Variants in SPINK9 observed in about 807,000 individuals in gnomAD.
SPINK9 encodes serine protease inhibitor Kazal-type 9.
Under a neutral mutation model 10.8 loss-of-function variants are expected in SPINK9, and 3 were observed. That is an observed-to-expected ratio of 0.28 (90% CI 0.13 to 0.72). The LOEUF is 0.72. Ranked by LOEUF, SPINK9 falls within the 30% of genes least tolerant of loss-of-function variation. The pLI, the probability that SPINK9 is intolerant of heterozygous loss-of-function variation, is 0.74. For missense variants in SPINK9, 101 were observed against 103.2 expected (o/e 0.98, Z 0.09); for synonymous variants, 30 against 31.2 (o/e 0.96, Z 0.12).
At chr5:148,339,588 A>T in intron 3 of SPINK9, 79 bp from the exon 4 acceptor site, 1 of 1,233,416 alleles carries the variant, frequency 8.1e-7, no homozygotes, top group South Asian at 1.3e-5. Context: ...CATTTTTGGG[A>T]TTCATTAGTG....
At chr5:148,328,001 T>C (rs1167065457) in intron 2 of SPINK9, among the ~76,000 whole-genome samples, 2 of 151,374 alleles carry the variant, frequency 1.3e-5, no homozygotes. Context: ...TCTTTTTTGG[T>C]TCCATATGAA....
At chr5:148,326,453 C>A (rs1757060328) in intron 2 of SPINK9, among the ~76,000 whole-genome samples, 1 of 152,142 alleles carries the variant, frequency 6.6e-6, no homozygotes, top group Non-Finnish European at 1.5e-5. Context: ...ATGTTCATTG[C>A]AGCATTATTC....
intron 1 of SPINK9, among the ~76,000 whole-genome samples, chr5:148,323,403 TAAG>T (rs1165758523): frequency 1.3e-5 from 2 of 152,184 alleles, no homozygotes; most frequent in Non-Finnish European, 2.9e-5. Context: ...TGTATATTAT[TAAG>T]AATTATGATG....
At chr5:148,322,406 T>C (rs912140552) in intron 1 of SPINK9, among the ~76,000 whole-genome samples, 2 of 152,154 alleles carry the variant, frequency 1.3e-5, no homozygotes, top group Non-Finnish European at 2.9e-5. Context: ...GTCTTTACTT[T>C]AATAATTCCT....
At position 148,338,440 on chromosome 5, in the gene SPINK9, G is replaced by A. The variant is rs763539386; in HGVS notation, c.88-38G>A. 5 of 1,563,314 alleles carry A rather than the reference G, an allele frequency of 3.2e-6. No homozygotes were observed. In the Admixed American group the frequency reaches 1.0e-4, roughly 31 times the overall value. ...TCCTAAATCCTGATAATAAAGATTT[G>A]GTTGAAAGAGTTGAAGGTTTTTAAT... On this transcript the variant is annotated intron_variant, in intron 2 of 3. Transcript: ENST00000377906.
intron 3 of SPINK9, 53 bp downstream of exon 3, chr5:148,338,658 G>A: frequency 2.2e-6 from 3 of 1,369,858 alleles, no homozygotes; most frequent in Non-Finnish European, 3.0e-6. Context: ...TATATATTAA[G>A]ACAAATTAGA....
chr5:148,328,379 G>A (rs562168895), intron 2 of SPINK9, among the ~76,000 whole-genome samples: 16 of 152,054 alleles, frequency 1.1e-4, no homozygotes, highest in Middle Eastern at 3.2e-3. Flanking sequence ...CTGAAGTTGC[G>A]TATCAGCTTA....
chr5:148,339,793 C>T lies in SPINK9; in HGVS notation c.*81C>T. The T allele has an allele frequency of 8.6e-7, 1 of 1,159,848 alleles. No homozygotes were observed. Among genetic ancestry groups the T allele is most frequent in the Non-Finnish European group, 1.3e-6 (1 of 775,964 alleles). The allele number at this position is 1,159,848 out of a possible 1,614,324, so 71.8% of individuals were successfully genotyped here. On this transcript the variant is annotated 3_prime_UTR_variant, in exon 4 of 4. Transcript: ENST00000377906. ...TTCTGTTCCCATATTATCTATGCCACATTGCCTACTCATCACCATATGTAG... is the reference window on the plus strand; with the variant it reads ...TTCTGTTCCCATATTATCTATGCCATATTGCCTACTCATCACCATATGTAG...
chr5:148,323,670 C>T (rs2113408893), intron 1 of SPINK9: 11 of 529,172 alleles, frequency 2.1e-5, no homozygotes, highest in East Asian at 3.2e-5. Flanking sequence ...AAAATTTTAC[C>T]TTTTGAAGGT....
At chr5:148,338,850 G>T (rs1757252078) in intron 3 of SPINK9, among the ~76,000 whole-genome samples, 1 of 152,080 alleles carries the variant, frequency 6.6e-6, no homozygotes, top group African/African-American at 2.4e-5. Flanking sequence ...TGGTCATCTA[G>T]TTCAACTTCC....
At chr5:148,325,494 A>G (rs1301570861) in intron 2 of SPINK9, among the ~76,000 whole-genome samples, 1 of 151,988 alleles carries the variant, frequency 6.6e-6, no homozygotes, top group Non-Finnish European at 1.5e-5. Context: ...ACTGATGTTG[A>G]TTTTCATGTC....
intron 3 of SPINK9, 112 bp downstream of exon 3, chr5:148,338,717 C>A: frequency 1.3e-6 from 1 of 756,076 alleles, no homozygotes; most frequent in Non-Finnish European, 2.0e-6. Context: ...CATACTGTCT[C>A]TAACAAACAG....
At chr5:148,325,716 AAATCTT>A (rs1183493393) in intron 2 of SPINK9, among the ~76,000 whole-genome samples, 2 of 152,144 alleles carry the variant, frequency 1.3e-5, no homozygotes, top group Non-Finnish European at 2.9e-5. Flanking sequence ...TTGAGGCACA[AAATCTT>A]TCAATTTTCA....
chr5:148,335,553 C>A, upstream of SPINK9: 1 of 1,485,286 alleles, frequency 6.7e-7, no homozygotes, highest in Non-Finnish European at 9.4e-7. Context: ...TCAAAGTGAG[C>A]TGGACGGACA....
intron 2 of SPINK9, among the ~76,000 whole-genome samples, chr5:148,329,416 C>T (rs1383837371): frequency 6.6e-6 from 1 of 152,034 alleles, no homozygotes; most frequent in East Asian, 1.9e-4. Context: ...ATTAGTCTTG[C>T]TAGCCGTCTA....
intron 2 of SPINK9, among the ~76,000 whole-genome samples, chr5:148,326,641 T>C (rs1245425900): frequency 2.0e-5 from 3 of 152,118 alleles, no homozygotes; most frequent in African/African-American, 7.2e-5. Context: ...ATTAGGTATA[T>C]CTCCTAATGC....
upstream of SPINK9, among the ~76,000 whole-genome samples, chr5:148,331,648 A>G (rs1046562803): frequency 3.9e-5 from 6 of 152,230 alleles, no homozygotes; most frequent in Admixed American, 3.3e-4. Context: ...AAAAAATGAT[A>G]AGTATTTGAA....
upstream of SPINK9, among the ~76,000 whole-genome samples, chr5:148,331,072 C>A (rs1315150539): frequency 1.3e-5 from 2 of 152,230 alleles, no homozygotes; most frequent in African/African-American, 4.8e-5. Flanking sequence ...TCGGCTCACG[C>A]ACGGTGCGCT....
upstream of SPINK9, among the ~76,000 whole-genome samples, chr5:148,333,516 G>A (rs1581188851): frequency 1.3e-5 from 2 of 152,312 alleles, no homozygotes; most frequent in East Asian, 3.9e-4. Context: ...TTAATTATAT[G>A]CAAATTCAGG....
Sources: allele counts gnomAD v4.1 joint callset (sites outside exome capture counted in the v4.1 genomes callset), GRCh38; gene constraint gnomAD v4.1.1; transcripts MANE v1.5; gene names NCBI Gene and HGNC (gene_info 2026-07-23, HGNC 2026-07-21).